The following SLC7A14 variants were observed in gnomAD, a reference collection of about 807,000 sequenced individuals.
SLC7A14 encodes the protein solute carrier family 7 member 14, also known as gamma-aminobutyric acid transporter SLC7A14.
In SLC7A14, 37 loss-of-function variants were observed where a neutral mutation model predicts 60.2. That is an observed-to-expected ratio of 0.61 (90% CI 0.47 to 0.81). The LOEUF (loss-of-function observed/expected upper bound fraction) is 0.81, where lower values mean the gene tolerates loss of function less well. SLC7A14 is among the 30% of genes least tolerant of loss of function. The pLI, the probability that SLC7A14 is intolerant of heterozygous loss-of-function variation, is 0.00. For synonymous variants in SLC7A14, 399 were observed against 395.8 expected, an observed-to-expected ratio of 1.01 and a Z score of -0.10; for missense variants, 886 against 982.7, an observed-to-expected ratio of 0.90 and a Z score of 1.32.
chr3:170,531,366 AACTGTC>A (rs1301461431), intron 1 of SLC7A14, among the ~76,000 whole-genome samples: 2 of 152,136 alleles, frequency 1.3e-5, no homozygotes, highest in Non-Finnish European at 2.9e-5. Context: ...CTTCATCAGA[AACTGTC>A]ACAAGGACAC....
intron 1 of SLC7A14, among the ~76,000 whole-genome samples, chr3:170,560,935 G>A (rs1714629686): frequency 6.6e-6 from 1 of 152,118 alleles, no homozygotes; most frequent in Admixed American, 6.5e-5. Context: ...TTAACCACGA[G>A]TACTTATAGT....
At chr3:170,568,246 T>C (rs1322224516) in intron 1 of SLC7A14, among the ~76,000 whole-genome samples, 13 of 151,128 alleles carry the variant, frequency 8.6e-5, no homozygotes, top group African/African-American at 1.2e-4. Context: ...GTTTTCCCAG[T>C]ACCATTTATT....
At chr3:170,523,728 A>G (rs1305295166) in intron 2 of SLC7A14, among the ~76,000 whole-genome samples, 1 of 152,168 alleles carries the variant, frequency 6.6e-6, no homozygotes, top group African/African-American at 2.4e-5. Flanking sequence ...GTGTATTTAA[A>G]AGGATGAAGA....
chr3:170,571,411 A>G (rs1364710452), intron 1 of SLC7A14, among the ~76,000 whole-genome samples: 1 of 152,204 alleles, frequency 6.6e-6, no homozygotes, highest in Non-Finnish European at 1.5e-5. Context: ...TGTTTTTGTA[A>G]GCAGTAAGTT....
At chr3:170,512,724 A>C (rs10936638) in intron 2 of SLC7A14, among the ~76,000 whole-genome samples, 99,652 of 139,436 alleles carry the variant, frequency 0.71, 35,532 homozygotes, top group Middle Eastern at 0.74. Context: ...AGTGCAGTGG[A>C]ACCATCTCGG....
chr3:170,574,010 T>G (rs1232224274), intron 1 of SLC7A14, among the ~76,000 whole-genome samples: 3 of 152,204 alleles, frequency 2.0e-5, no homozygotes, highest in African/African-American at 7.2e-5. Context: ...GGCTAGATTC[T>G]TCAGAGCTGG....
chr3:170,500,997 G>T, intron 3 of SLC7A14, 112 bp downstream of exon 3: 1 of 890,446 alleles, frequency 1.1e-6, no homozygotes, highest in Non-Finnish European at 1.8e-6. Context: ...GAAAAAGAGA[G>T]ATATATTTAA....
At chr3:170,484,232 C>T (rs1277796296) in intron 5 of SLC7A14, among the ~76,000 whole-genome samples, 1 of 152,172 alleles carries the variant, frequency 6.6e-6, no homozygotes, top group Admixed American at 6.5e-5. Context: ...TATAAGGGTC[C>T]ACCCCCAGAG....
At chr3:170,489,614 G>A (rs1432397990) in intron 4 of SLC7A14, among the ~76,000 whole-genome samples, 1 of 152,202 alleles carries the variant, frequency 6.6e-6, no homozygotes, top group Non-Finnish European at 1.5e-5. Context: ...AAGGGAATCA[G>A]CGTATTGAAG....
rs757439549 is a variant in SLC7A14 at position 170,483,465 on chromosome 3, G to A, written c.964C>T (p.Leu322Phe). Reference sequence around the variant, plus strand: ...CCATGAGCCACAAACATCTCCATGAGTGGGGATTCCGTGTCAATGGTATAA... The same window carrying A: ...CCATGAGCCACAAACATCTCCATGAATGGGGATTCCGTGTCAATGGTATAA... ...PYYTIDTESP[L>F]MEMFVAHGFY... Residue 322 changes from leucine (L) to phenylalanine (F), a missense_variant, in exon 6 of 8, where the codon CTC (leucine) becomes TTC (phenylalanine). Leu to Phe is a conservative substitution (Grantham distance 22). Coordinates refer to ENST00000231706, the MANE Select transcript of SLC7A14 (RefSeq NM_020949.3). 5 of 1,614,218 alleles carry A rather than the reference G, an allele frequency of 3.1e-6. No homozygotes were observed. Among genetic ancestry groups the A allele is most frequent in the Non-Finnish European group, 4.2e-6 (5 of 1,180,048 alleles).
intron 1 of SLC7A14, among the ~76,000 whole-genome samples, chr3:170,538,487 T>C (rs975126040): frequency 1.3e-5 from 2 of 152,328 alleles, no homozygotes; most frequent in East Asian, 1.9e-4. Flanking sequence ...TGCCATTTCA[T>C]GTAATACAAC....
intron 2 of SLC7A14, among the ~76,000 whole-genome samples, 154 bp from the exon 3 acceptor site, chr3:170,501,499 T>C (rs1712608385): frequency 6.6e-6 from 1 of 152,252 alleles, no homozygotes; most frequent in Admixed American, 6.5e-5. Flanking sequence ...AGCCAACTCT[T>C]ACCTCTTCCA....
intron 4 of SLC7A14, among the ~76,000 whole-genome samples, chr3:170,491,979 G>C (rs1003298264): frequency 5.3e-5 from 8 of 152,090 alleles, no homozygotes; most frequent in Non-Finnish European, 1.2e-4. Flanking sequence ...TAGCAAAAAG[G>C]GTCATCTTTT....
At chr3:170,540,796 A>C (rs1713997705) in intron 1 of SLC7A14, among the ~76,000 whole-genome samples, 1 of 152,376 alleles carries the variant, frequency 6.6e-6, no homozygotes, top group East Asian at 1.9e-4. Flanking sequence ...TCCAGCCTTC[A>C]AGCTATTCAA....
At chr3:170,469,859 C>G (rs532147080) in intron 7 of SLC7A14, among the ~76,000 whole-genome samples, 1 of 152,184 alleles carries the variant, frequency 6.6e-6, no homozygotes, top group African/African-American at 2.4e-5. Flanking sequence ...TTCCCTTTGC[C>G]CCAAACGTCT....
intron 1 of SLC7A14, among the ~76,000 whole-genome samples, chr3:170,561,691 G>A (rs1455264498): frequency 1.3e-5 from 2 of 152,128 alleles, no homozygotes; most frequent in African/African-American, 2.4e-5. Flanking sequence ...CATGGCCGCC[G>A]AGTAAACAGA....
intron 1 of SLC7A14, among the ~76,000 whole-genome samples, chr3:170,567,565 A>G (rs1296098434): frequency 2.6e-5 from 4 of 151,160 alleles, no homozygotes; most frequent in Non-Finnish European, 4.4e-5. Context: ...CTAGTTCTAG[A>G]TCCCTGAGGA....
intron 2 of SLC7A14, among the ~76,000 whole-genome samples, chr3:170,525,116 C>T (rs1713451334): frequency 6.6e-6 from 1 of 152,178 alleles, no homozygotes; most frequent in Non-Finnish European, 1.5e-5. Context: ...CTGAAATATT[C>T]GAAGAGACCA....
chr3:170,517,020 C>G (rs897817025), intron 2 of SLC7A14, among the ~76,000 whole-genome samples: 2 of 152,100 alleles, frequency 1.3e-5, no homozygotes, highest in Non-Finnish European at 2.9e-5. Flanking sequence ...TGAGGCACAG[C>G]AAAACTGCTT....
Sources: gnomAD v4.1 joint callset for allele counts (sites outside exome capture counted in the v4.1 genomes callset) on GRCh38, gnomAD v4.1.1 for gene constraint, MANE v1.5 for transcripts, NCBI Gene and HGNC (gene_info 2026-07-23, HGNC 2026-07-21) for gene names.